RGS6: variants seen among roughly 807,000 people sequenced by gnomAD.
RGS6 encodes regulator of G-protein signaling 6.
Under a neutral mutation model 78.5 loss-of-function variants are expected in RGS6, and 30 were observed. The observed-to-expected ratio is 0.38, with a 90% CI of 0.29 to 0.52. The LOEUF (loss-of-function observed/expected upper bound fraction) is 0.52, where lower values mean the gene tolerates loss of function less well. RGS6 is among the 20% of genes least tolerant of loss of function. The pLI is 0.85. For synonymous variants in RGS6, 206 were observed against 206.0 expected (o/e 1.00, Z 0.00); for missense variants, 495 against 609.7 (o/e 0.81, Z 1.98).
At chr14:72,437,705 T>TGA (rs1393231658) in intron 3 of RGS6, among the ~76,000 whole-genome samples, 7 of 152,232 alleles carry the variant, frequency 4.6e-5, no homozygotes, top group Non-Finnish European at 4.4e-5. Context: ...TGGTCTGAAG[T>TGA]TGATCAATGT....
At chr14:72,395,791 T>A (rs564594212) in intron 3 of RGS6, among the ~76,000 whole-genome samples, 1 of 152,184 alleles carries the variant, frequency 6.6e-6, no homozygotes, top group Non-Finnish European at 1.5e-5. Flanking sequence ...TGTTTGGTTT[T>A]TTTCCCTTGC....
At chr14:72,278,180 A>T (rs2060994966) in intron 2 of RGS6, among the ~76,000 whole-genome samples, 1 of 152,240 alleles carries the variant, frequency 6.6e-6, no homozygotes, top group African/African-American at 2.4e-5. Flanking sequence ...TATCTTTAAC[A>T]TACAAACATG....
intron 17 of RGS6, chr14:72,547,045 C>A: frequency 1.2e-6 from 1 of 840,068 alleles, no homozygotes; most frequent in Non-Finnish European, 1.9e-6. Flanking sequence ...ACTGTGTGGG[C>A]TCCCACCTGC....
chr14:72,465,027 G>A lies in RGS6; in HGVS notation c.395-731G>A, dbSNP rs78643777. Among the ~76,000 whole-genome samples the A allele has an allele frequency of 2.8e-3, 422 of 152,294 alleles. 2 individuals carry two copies. The highest frequency in any genetic ancestry group is 9.7e-3 in the African/African-American group (403 of 41,552). On this transcript the variant is annotated intron_variant, in intron 6 of 17. Coordinates refer to ENST00000553525, the MANE Select transcript of RGS6 (RefSeq NM_001204424.2). ...GATGCTATCTGAAACACCAACTTGG[G>A]TCTTCAAAGATTAGTAAGAGGTTGC...
At chr14:71,871,568 C>T in the RGS6 span, among the ~76,000 whole-genome samples, 11 of 152,062 alleles carry the variant, frequency 7.2e-5, no homozygotes, top group African/African-American at 2.7e-4. Flanking sequence ...CTTGTGGATT[C>T]CCCTAAACCA....
intron 2 of RGS6, among the ~76,000 whole-genome samples, chr14:72,340,005 A>G (rs1262302826): frequency 6.6e-6 from 1 of 151,970 alleles, no homozygotes; most frequent in Non-Finnish European, 1.5e-5. Flanking sequence ...TAAAATCCTC[A>G]AGGGGCCCCT....
chr14:72,475,905 C>G (rs7151951), intron 10 of RGS6, among the ~76,000 whole-genome samples: 1 of 150,936 alleles, frequency 6.6e-6, no homozygotes, highest in South Asian at 2.1e-4. Context: ...ATATTTTGTT[C>G]GTCACTGACT....
chr14:72,497,720 T>C (rs1362144341), intron 13 of RGS6, among the ~76,000 whole-genome samples: 1 of 152,184 alleles, frequency 6.6e-6, no homozygotes, highest in Non-Finnish European at 1.5e-5. Flanking sequence ...TCTATGAACA[T>C]TTAAAGAATA....
chr14:72,550,386 C>T lies in RGS6; in HGVS notation c.1422+10292C>T, dbSNP rs888386161. 9.3e-6 allele frequency: 12 copies of T among 1,297,042 alleles called. No individual in the cohort carries two copies. In the African/African-American group the frequency reaches 1.3e-4, roughly 14 times the overall value. 80.3% of individuals were successfully genotyped at this position (1,297,042 alleles called of 1,614,324 possible). A position where few individuals can be genotyped will look rare whatever the true frequency, so the allele number is the denominator to read the frequency against. On this transcript the variant is annotated intron_variant, in intron 17 of 17. Coordinates refer to ENST00000553525, the MANE Select transcript of RGS6 (RefSeq NM_001204424.2). ...TAGTGACAGGGCTGGAGAACCATTC[C>T]ACACCATGCCCCTGGCTTTTTTTGT...
At chr14:72,542,288 A>G in intron 17 of RGS6, among the ~76,000 whole-genome samples, 1 of 152,196 alleles carries the variant, frequency 6.6e-6, no homozygotes. Context: ...AATATGACCC[A>G]TGTGTTGGCT....
chr14:72,182,323 C>T (rs966247833), intron 2 of RGS6, among the ~76,000 whole-genome samples: 1 of 151,558 alleles, frequency 6.6e-6, no homozygotes, highest in Non-Finnish European at 1.5e-5. Context: ...GCCTGTAGTC[C>T]CAGCTACTCG....
intron 2 of RGS6, among the ~76,000 whole-genome samples, chr14:72,351,403 G>C (rs11849424): frequency 0.03 from 4,603 of 152,154 alleles, 201 homozygotes; most frequent in African/African-American, 0.1. Context: ...TTCACCAGTA[G>C]GATGTCAACA....
the RGS6 span, among the ~76,000 whole-genome samples, chr14:72,596,442 C>T: frequency 0.39 from 59,202 of 152,048 alleles, 13,521 homozygotes; most frequent in East Asian, 0.76. Context: ...TAATTTCCCC[C>T]TCATCATGAA....
intron 17 of RGS6, chr14:72,553,229 T>G (rs1043029185): frequency 3.3e-5 from 5 of 152,650 alleles, no homozygotes; most frequent in African/African-American, 1.2e-4. Flanking sequence ...GCCACAGGTC[T>G]TCACAGTTTC....
chr14:72,148,534 C>T (rs1163263748), intron 2 of RGS6, among the ~76,000 whole-genome samples: 2 of 152,156 alleles, frequency 1.3e-5, no homozygotes, highest in African/African-American at 2.4e-5. Context: ...GTAAGATCAT[C>T]CAGGGTGCTA....
At chr14:72,320,613 A>G (rs951573462) in intron 2 of RGS6, among the ~76,000 whole-genome samples, 1 of 151,420 alleles carries the variant, frequency 6.6e-6, no homozygotes, top group Non-Finnish European at 1.5e-5. Flanking sequence ...AAAAAATAAA[A>G]AACTATTAAA....
intron 10 of RGS6, among the ~76,000 whole-genome samples, chr14:72,475,367 A>G (rs2096213526): frequency 6.6e-6 from 1 of 151,848 alleles, no homozygotes. Flanking sequence ...CACGATTCAT[A>G]TGTCCCACCC....
intron 3 of RGS6, among the ~76,000 whole-genome samples, chr14:72,423,286 T>TC (rs1378314291): frequency 2.0e-5 from 3 of 152,144 alleles, no homozygotes; most frequent in Admixed American, 1.3e-4. Flanking sequence ...CACCCATATG[T>TC]CCCCCCACCC....
At chr14:72,295,063 G>A (rs1441453322) in intron 2 of RGS6, among the ~76,000 whole-genome samples, 1 of 151,940 alleles carries the variant, frequency 6.6e-6, no homozygotes, top group African/African-American at 2.4e-5. Context: ...AGGCCGAGGC[G>A]GGCGGATCAC....
Sources: allele counts gnomAD v4.1 joint callset (sites outside exome capture counted in the v4.1 genomes callset), GRCh38; gene constraint gnomAD v4.1.1; transcripts MANE v1.5; gene names NCBI Gene and HGNC (gene_info 2026-07-23, HGNC 2026-07-21).